Variants in ASIC2 observed in about 807,000 individuals in gnomAD.
The protein encoded by ASIC2 is acid-sensing ion channel 2.
ASIC2 carries 25 observed loss-of-function variants against 57.3 expected under a neutral mutation model. The observed-to-expected ratio is 0.44, with a 90% CI of 0.32 to 0.61. The LOEUF is 0.61. Ranked by LOEUF, ASIC2 falls within the 20% of genes least tolerant of loss-of-function variation. The pLI, the probability that ASIC2 is intolerant of heterozygous loss-of-function variation, is 0.06. For synonymous variants in ASIC2, 319 were observed against 307.5 expected, an observed-to-expected ratio of 1.04 and a Z score of -0.39; for missense variants, 641 against 738.1, an observed-to-expected ratio of 0.87 and a Z score of 1.52.
chr17:33,450,557 T>C (rs1488932795), intron 1 of ASIC2, among the ~76,000 whole-genome samples: 1 of 152,204 alleles, frequency 6.6e-6, no homozygotes, highest in Non-Finnish European at 1.5e-5. Flanking sequence ...GAAAAAATTC[T>C]GGAGATGGAT....
intron 1 of ASIC2, among the ~76,000 whole-genome samples, chr17:33,999,678 T>C (rs1906272456): frequency 1.3e-5 from 2 of 152,308 alleles, no homozygotes; most frequent in Middle Eastern, 3.4e-3. Context: ...TTTTATGTTA[T>C]TGATGTCACA....
At chr17:33,357,366 A>G (rs1292531021) in intron 1 of ASIC2, among the ~76,000 whole-genome samples, 1 of 152,192 alleles carries the variant, frequency 6.6e-6, no homozygotes, top group Non-Finnish European at 1.5e-5. Context: ...GAATTGGTAG[A>G]ACTGGTAATA....
intron 1 of ASIC2, among the ~76,000 whole-genome samples, chr17:33,856,417 A>ATGAGGGTG (rs1349998495): frequency 9.8e-3 from 205 of 20,916 alleles, no homozygotes; most frequent in African/African-American, 0.024. Context: ...ATCAGTAGTA[A>ATGAGGGTG]CAGTAGTACT....
chr17:34,026,084 G>A (rs965367567), intron 1 of ASIC2, among the ~76,000 whole-genome samples: 3 of 152,170 alleles, frequency 2.0e-5, no homozygotes, highest in African/African-American at 7.2e-5. Flanking sequence ...TGCACTGAAA[G>A]GACTTACAGA....
chr17:33,043,797 A>G (rs1567724744), intron 3 of ASIC2, among the ~76,000 whole-genome samples: 1 of 152,204 alleles, frequency 6.6e-6, no homozygotes, highest in Non-Finnish European at 1.5e-5. Context: ...ATCAGACCAC[A>G]CAGGGAATCA....
chr17:33,324,294 G>C (rs1246404611), intron 1 of ASIC2, among the ~76,000 whole-genome samples: 2 of 148,550 alleles, frequency 1.3e-5, no homozygotes, highest in South Asian at 2.1e-4. Flanking sequence ...ACAGAGCAAG[G>C]GTTTTTTTTT....
intron 1 of ASIC2, among the ~76,000 whole-genome samples, chr17:34,089,095 A>T (rs1031137049): frequency 6.6e-6 from 1 of 152,344 alleles, no homozygotes; most frequent in Non-Finnish European, 1.5e-5. Context: ...CCGGTACCTC[A>T]GATGGAAATG....
intron 1 of ASIC2, among the ~76,000 whole-genome samples, chr17:33,324,492 CT>C (rs1484679583): frequency 6.6e-6 from 1 of 151,980 alleles, no homozygotes; most frequent in Non-Finnish European, 1.5e-5. Flanking sequence ...TGACAGAGCC[CT>C]GCAAATATGA....
intron 1 of ASIC2, among the ~76,000 whole-genome samples, chr17:33,372,565 C>T (rs1267083255): frequency 6.6e-6 from 1 of 152,186 alleles, no homozygotes; most frequent in African/African-American, 2.4e-5. Flanking sequence ...TACTTGGCTG[C>T]TGGGACCTCA....
intron 1 of ASIC2, among the ~76,000 whole-genome samples, chr17:33,452,738 G>GTGTGT (rs1912298570): frequency 7.1e-6 from 1 of 140,408 alleles, no homozygotes. Flanking sequence ...AACAGAGTGG[G>GTGTGT]GTGTGTGTGT....
intron 1 of ASIC2, among the ~76,000 whole-genome samples, chr17:33,625,252 C>T (rs1320850684): frequency 1.3e-5 from 2 of 151,982 alleles, no homozygotes; most frequent in African/African-American, 4.8e-5. Flanking sequence ...GTATCTTTAT[C>T]TCTCTTTCAT....
chr17:33,252,242 C>A (rs939713658), intron 1 of ASIC2, among the ~76,000 whole-genome samples: 1 of 152,286 alleles, frequency 6.6e-6, no homozygotes, highest in African/African-American at 2.4e-5. Context: ...GCAGCTTTTT[C>A]ATTTATTAGG....
intron 1 of ASIC2, among the ~76,000 whole-genome samples, chr17:33,908,239 C>T (rs1915391864): frequency 6.6e-6 from 1 of 152,190 alleles, no homozygotes; most frequent in Non-Finnish European, 1.5e-5. Context: ...TTAGTTGTGG[C>T]CCCCTACTCT....
chr17:34,037,727 T>C lies in ASIC2; in HGVS notation c.555+118251A>G, dbSNP rs573586098. On this transcript the variant is annotated intron_variant, in intron 1 of 9. Transcript: ENST00000359872. ...TTGGATGTGAGGCAACAAGTAGGGA[T>C]CACAGGCCAGCTGCTGGACATCAAT... The C allele has an allele frequency of 1.8e-5, 29 of 1,614,160 alleles. No individual in the cohort carries two copies. In the African/African-American group the frequency reaches 3.5e-4, roughly 19 times the overall value.
intron 1 of ASIC2, among the ~76,000 whole-genome samples, chr17:33,988,989 A>G (rs533798961): frequency 6.6e-6 from 1 of 151,928 alleles, no homozygotes; most frequent in African/African-American, 2.4e-5. Flanking sequence ...CCCTCCTCCC[A>G]CCTTCCACAA....
chr17:33,581,084 G>A (rs558741644), intron 1 of ASIC2: 1 of 152,336 alleles, frequency 6.6e-6, no homozygotes, highest in East Asian at 1.9e-4. Context: ...TTACTAATTA[G>A]TTGACCTTAA....
At chr17:33,107,195 G>A (rs564569312) in intron 2 of ASIC2, among the ~76,000 whole-genome samples, 29 of 152,096 alleles carry the variant, frequency 1.9e-4, no homozygotes, top group Middle Eastern at 3.4e-3. Context: ...TTTAATTTCC[G>A]TTGGAAAACC....
At chr17:33,186,981 C>T (rs1906223175) in intron 1 of ASIC2, among the ~76,000 whole-genome samples, 1 of 152,186 alleles carries the variant, frequency 6.6e-6, no homozygotes, top group African/African-American at 2.4e-5. Context: ...TGATGACCAG[C>T]TCAGTGGTTG....
intron 1 of ASIC2, among the ~76,000 whole-genome samples, chr17:33,860,549 A>G (rs1217977470): frequency 6.6e-6 from 1 of 152,190 alleles, no homozygotes; most frequent in Non-Finnish European, 1.5e-5. Flanking sequence ...ACAACATGGG[A>G]GTTGCTTGCT....
Sources: allele counts gnomAD v4.1 joint callset (sites outside exome capture counted in the v4.1 genomes callset), GRCh38; gene constraint gnomAD v4.1.1; transcripts MANE v1.5; gene names NCBI Gene and HGNC (gene_info 2026-07-23, HGNC 2026-07-21).